Variants in ZNFX1 observed in about 807,000 individuals in gnomAD.
ZNFX1 encodes the protein zinc finger NFX1-type containing 1.
Under a neutral mutation model 179.8 loss-of-function variants are expected in ZNFX1, and 78 were observed. The observed-to-expected ratio is 0.43, with a 90% CI of 0.36 to 0.52. ZNFX1 has a LOEUF of 0.52. Ranked by LOEUF, ZNFX1 falls within the 20% of genes least tolerant of loss-of-function variation. The probability of loss-of-function intolerance (pLI) is 0.00; values close to 1 mark genes in which losing one functional copy is unlikely to be tolerated. For missense variants in ZNFX1, 1,927 were observed against 2,386.6 expected (o/e 0.81, Z 4.01); for synonymous variants, 848 against 868.5 (o/e 0.98, Z 0.42).
intron 1 of ZNFX1, among the ~76,000 whole-genome samples, chr20:49,276,527 AC>A (rs1981565115): frequency 6.6e-6 from 1 of 152,220 alleles, no homozygotes; most frequent in Non-Finnish European, 1.5e-5. Context: ...TTTCCTCAGG[AC>A]CAGCTAGAAA....
intron 10 of ZNFX1, among the ~76,000 whole-genome samples, chr20:49,254,254 T>C (rs1016424171): frequency 2.6e-5 from 4 of 152,288 alleles, no homozygotes; most frequent in Admixed American, 6.5e-5. Context: ...TGCAAACTTA[T>C]GACCTCAGGT....
Position 49,249,416 on chromosome 20 carries a change from T to C in ZNFX1, c.3608A>G (p.Asn1203Ser). Residue 1203 changes from asparagine to serine, a missense_variant, in exon 14 of 14, where the codon AAC becomes AGC. By Grantham distance (46) the Asn-to-Ser change is conservative. Coordinates refer to ENST00000396105, the MANE Select transcript of ZNFX1 (RefSeq NM_021035.3). ...DIILLSLVRSNQEGKVGFLQI... is the reference protein window; with the variant it reads ...DIILLSLVRSSQEGKVGFLQI... ...CAGAAAACCCACCTTGCCTTCTTGG[T>C]TGCTCCGCACTAGCGAGAGGAGGAT... The C allele has an allele frequency of 6.2e-7, 1 of 1,614,258 alleles. No homozygotes were observed. The highest frequency in any genetic ancestry group is 8.5e-7 in the Non-Finnish European group (1 of 1,180,050).
At chr20:49,252,576 T>A in intron 12 of ZNFX1, 144 bp downstream of exon 12, 1 of 604,118 alleles carries the variant, frequency 1.7e-6, no homozygotes, top group Non-Finnish European at 3.0e-6. Context: ...CTTGTGGTGT[T>A]TTAAAACAGA....
In ZNFX1 at chr20:49,249,649, G is replaced by A. The variant is rs1413230224; in HGVS notation, c.3375C>T (p.Gly1125=). 42 of 1,614,050 alleles carry A rather than the reference G, an allele frequency of 2.6e-5. No homozygotes were observed. Among genetic ancestry groups the A allele is most frequent in the Non-Finnish European group, 3.3e-5 (39 of 1,180,020 alleles). The change falls in exon 14 of 14, where the codon GGC becomes GGT. Residue 1125 remains glycine, a synonymous_variant. Transcript: ENST00000396105. The part of the protein sequence containing the change: ...HNFPEQEIQE[G]KSHQNQHEAH... Reference sequence around the variant, plus strand: ...CCTCATGCTGGTTCTGATGGCTTTTGCCCTCTTGGATTTCCTGTTCAGGAA... The same window carrying A: ...CCTCATGCTGGTTCTGATGGCTTTTACCCTCTTGGATTTCCTGTTCAGGAA...
At chr20:49,252,605 G>T (rs34163516) in intron 12 of ZNFX1, 115 bp downstream of exon 12, 1 of 672,516 alleles carries the variant, frequency 1.5e-6, no homozygotes, top group Non-Finnish European at 2.6e-6. Flanking sequence ...GGTTGACAGA[G>T]TCATTTCAGT....
At chr20:49,273,225 C>T (rs1380199419) in intron 2 of ZNFX1, among the ~76,000 whole-genome samples, 4 of 152,032 alleles carry the variant, frequency 2.6e-5, no homozygotes, top group Non-Finnish European at 4.4e-5. Flanking sequence ...CTCCGCCTCC[C>T]GGGTTCAAGC....
rs760568216 is a variant in ZNFX1, at chr20:49,271,426, G to A, written c.386C>T (p.Thr129Ile). 1 of 1,614,116 alleles carries A rather than the reference G, an allele frequency of 6.2e-7. No individual in the cohort carries two copies. Among genetic ancestry groups the A allele is most frequent in the South Asian group, 1.1e-5 (1 of 91,080 alleles). Residue 129 changes from threonine to isoleucine, a missense_variant, in exon 3 of 14, where the codon ACT (threonine) becomes ATT (isoleucine). Physicochemically the swap from Thr to Ile is moderately conservative, Grantham distance 89. Coordinates refer to ENST00000396105, the MANE Select transcript of ZNFX1 (RefSeq NM_021035.3). Reference sequence around the variant, plus strand: ...CTGTTCTGTAGGCTTCTGGTGGGGAGTCCGCCACTGCTGGAAGTTGTCATT... The same window carrying A: ...CTGTTCTGTAGGCTTCTGGTGGGGAATCCGCCACTGCTGGAAGTTGTCATT... The part of the protein sequence containing the change: ...WSNDNFQQWR[T>I]PHQKPTEQPQ...
Position 49,270,364 on chromosome 20 carries a change from T to C in ZNFX1, c.1448A>G (p.Gln483Arg). 1 of 1,614,224 alleles carries C rather than the reference T, an allele frequency of 6.2e-7. No homozygotes were observed. The highest frequency in any genetic ancestry group is 2.2e-5 in the East Asian group (1 of 44,888). ...EQEDLCRGIVQLCFNEQSQQL... is the reference protein window; with the variant it reads ...EQEDLCRGIVRLCFNEQSQQL... ...TTGGCTTTGCTCATTGAAGCAGAGC[T>C]GGACAATTCCTCGGCAGAGATCTTC... is the stretch of plus-strand genomic sequence containing the variant. Residue 483 changes from glutamine (Q) to arginine (R), a missense_variant, in exon 3 of 14, where the codon CAG becomes CGG. Transcript: ENST00000396105. This position sits in a 1 kb window ranked among gnomAD's most constrained non-coding sequence, Gnocchi z 4.6.
chr20:49,275,693 A>G lies in ZNFX1; in HGVS notation c.61+86T>C, dbSNP rs898303036. ...TTACTTGAGAGATGCAGACAATCTT[A>G]GGTAGGCCTGCTCATTTATAGAGAG... On this transcript the variant is annotated intron_variant, in intron 2 of 13. Coordinates refer to ENST00000396105, the MANE Select transcript of ZNFX1 (RefSeq NM_021035.3). 5.5e-6 allele frequency: 7 copies of G among 1,266,412 alleles called. No individual in the cohort carries two copies. The African/African-American group carries it at 8.8e-5, about 16-fold the overall frequency. 78.4% of individuals were successfully genotyped at this position (1,266,412 alleles called of 1,614,324 possible).
At position 49,263,396 on chromosome 20, in the gene ZNFX1, G is replaced by C; in HGVS notation, c.2239C>G (p.Gln747Glu). ...ECTMRGVLRE[Q>E]YLQKYISPQH... ...GGTGAGATGTACTTCTGCAGGTACT[G>C]TTCCCGTAGGACACCACGCATGGTG... is the stretch of plus-strand genomic sequence containing the variant. The change falls in exon 6 of 14, where the codon CAG (glutamine) becomes GAG (glutamate). Residue 747 changes from glutamine to glutamate, a missense_variant. By Grantham distance (29) the Gln-to-Glu change is conservative (BLOSUM62 2). Coordinates refer to ENST00000396105, the MANE Select transcript of ZNFX1 (RefSeq NM_021035.3). 6.2e-7 allele frequency: 1 copy of C among 1,613,990 alleles called. No homozygotes were observed. Among genetic ancestry groups the C allele is most frequent in the Admixed American group, 1.7e-5 (1 of 59,998 alleles).
chr20:49,263,251 G>C, intron 6 of ZNFX1, 83 bp downstream of exon 6: 4 of 1,528,470 alleles, frequency 2.6e-6, no homozygotes, highest in Non-Finnish European at 3.6e-6. Flanking sequence ...AACAGGTAAA[G>C]TTTTGGACTG....
chr20:49,266,294 C>T (rs1981231013), intron 3 of ZNFX1, 28 bp from the exon 4 acceptor site: 2 of 1,563,124 alleles, frequency 1.3e-6, no homozygotes, highest in African/African-American at 2.8e-5. Context: ...AGGAATTTAA[C>T]AATTTAGACA....
intron 3 of ZNFX1, among the ~76,000 whole-genome samples, chr20:49,266,707 T>A (rs1981243095): frequency 1.4e-5 from 2 of 144,906 alleles, no homozygotes; most frequent in African/African-American, 5.1e-5. Flanking sequence ...AGGTATTTTT[T>A]AGCCAGTTTT....
At position 49,248,345 on chromosome 20, in the gene ZNFX1, T is replaced by G; in HGVS notation, c.4679A>C (p.Lys1560Thr). ...CIGLCGEPCP[K>T]KCRICHMDEV... ...ATCCATGTGGCAGATCCGGCATTTC[T>G]TGGGGCATGGCTCCCCACAGAGACC... Residue 1560 changes from lysine to threonine, a missense_variant, in exon 14 of 14, where the codon AAG becomes ACG. Coordinates refer to ENST00000396105, the MANE Select transcript of ZNFX1 (RefSeq NM_021035.3). The surrounding 1 kb of genome is among the most constrained non-coding windows in gnomAD (Gnocchi z 4.6). 1 of 1,614,014 alleles carries G rather than the reference T, an allele frequency of 6.2e-7. No homozygotes were observed. Among genetic ancestry groups the G allele is most frequent in the Non-Finnish European group, 8.5e-7 (1 of 1,179,932 alleles).
chr20:49,277,488 G>A (rs545233900), intron 1 of ZNFX1, among the ~76,000 whole-genome samples: 2 of 151,018 alleles, frequency 1.3e-5, no homozygotes, highest in Non-Finnish European at 3.0e-5. Context: ...GGTGACAGGA[G>A]GTGAGGCCGG....
rs917965337 is a variant in ZNFX1, at chr20:49,254,539, A to T, written c.2915T>A (p.Leu972Gln). 1.2e-6 allele frequency: 2 copies of T among 1,614,080 alleles called. No individual in the cohort carries two copies. The highest frequency in any genetic ancestry group is 2.7e-5 in the African/African-American group (2 of 74,918). The change falls in exon 10 of 14, where the codon CTG (leucine) becomes CAG (glutamine). Residue 972 changes from leucine to glutamine, a missense_variant. Physicochemically the swap from Leu to Gln is moderately radical, Grantham distance 113. Transcript: ENST00000396105. ...AACCTGGGCATCTTTAAGAATGTGC[A>T]GGTCTTCCTGGAGTCTCAGCTCGGC... ...RMAELRLQED[L>Q]HILKDAQVVG...
At chr20:49,271,822 C>T (rs535023529) in intron 2 of ZNFX1, 72 bp from the exon 3 acceptor site, 205 of 1,490,422 alleles carry the variant, frequency 1.4e-4, no homozygotes, top group Middle Eastern at 7.2e-4. Context: ...CGACAATGAA[C>T]GTGCTTTCAT....
Position 49,253,817 on chromosome 20 carries a change from G to A in ZNFX1, c.2960-6C>T. Reference sequence around the variant, plus strand: ...CTGGCGGTATTTGGCAGCACCTCAAGTGAGGAAAGAAGAGAAAGGCTCCTC... The same window carrying A: ...CTGGCGGTATTTGGCAGCACCTCAAATGAGGAAAGAAGAGAAAGGCTCCTC... On this transcript the variant is annotated splice_polypyrimidine_tract_variant and splice_region_variant and intron_variant, in intron 10 of 13. Coordinates refer to ENST00000396105, the MANE Select transcript of ZNFX1 (RefSeq NM_021035.3). 1 of 1,613,862 alleles carries A rather than the reference G, an allele frequency of 6.2e-7. No individual in the cohort carries two copies.
At chr20:49,277,411 C>T (rs1310763212) in intron 1 of ZNFX1, among the ~76,000 whole-genome samples, 1 of 21,618 alleles carries the variant, frequency 4.6e-5, no homozygotes, top group Non-Finnish European at 8.7e-5. Context: ...ACGGAGGCGG[C>T]GGGGTGGGGG....
Sources: allele counts gnomAD v4.1 joint callset (sites outside exome capture counted in the v4.1 genomes callset), GRCh38; gene constraint gnomAD v4.1.1; non-coding constraint Gnocchi (gnomAD v3.1); transcripts MANE v1.5; gene names NCBI Gene and HGNC (gene_info 2026-07-23, HGNC 2026-07-21).